The following SERAC1 variants were observed in gnomAD, a reference collection of about 807,000 sequenced individuals.
The protein encoded by SERAC1 is serine active site containing 1.
Under a neutral mutation model 85.7 loss-of-function variants are expected in SERAC1, and 36 were observed. The ratio of observed to expected loss-of-function variants is 0.42; its 90% CI spans 0.32 to 0.55. The LOEUF is 0.55. Among genes scored for constraint, SERAC1 ranks in the 20% least tolerant of loss-of-function variants. SERAC1 has a pLI of 0.11. For synonymous variants in SERAC1, 242 were observed against 265.3 expected (o/e 0.91, Z 0.85); for missense variants, 629 against 796.2 (o/e 0.79, Z 2.53).
chr6:158,156,827 ATAT>A (rs1785348916), intron 2 of SERAC1, among the ~76,000 whole-genome samples: 1 of 133,908 alleles, frequency 7.5e-6, no homozygotes, highest in South Asian at 2.1e-4. Context: ...TAATATATTA[ATAT>A]ATTATATAAA....
At chr6:158,114,684 C>CAGATTATA in intron 15 of SERAC1, 105 bp downstream of exon 15, 1 of 454,612 alleles carries the variant, frequency 2.2e-6, no homozygotes, top group South Asian at 4.7e-5. Context: ...CAATTATATA[C>CAGATTATA]AAATTATAAA....
intron 1 of SERAC1, among the ~76,000 whole-genome samples, chr6:158,159,877 C>T (rs1022796303): frequency 3.3e-5 from 5 of 152,322 alleles, no homozygotes; most frequent in South Asian, 4.1e-4. Context: ...CCACCCGCCT[C>T]GGCCTCCCGA....
In SERAC1 at chr6:158,117,684, T is replaced by C. The variant is rs1784322998; in HGVS notation, c.1403+43A>G. ...TCCAAGAGGACCTAAACTTGCGGCC[T>C]GAATTCTTCCCTGTCCTCCTGGTCT... On this transcript the variant is annotated intron_variant, in intron 13 of 16. Transcript: ENST00000647468. The surrounding 1 kb of genome is among the most constrained non-coding windows in gnomAD (Gnocchi z 4.3). 6.2e-7 allele frequency: 1 copy of C among 1,611,692 alleles called. No individual in the cohort carries two copies. Among genetic ancestry groups the C allele is most frequent in the East Asian group, 2.2e-5 (1 of 44,870 alleles).
chr6:158,159,676 G>A (rs546395953), intron 1 of SERAC1, among the ~76,000 whole-genome samples: 64 of 149,354 alleles, frequency 4.3e-4, no homozygotes, highest in Non-Finnish European at 8.7e-4. Context: ...CCAGGCTGGA[G>A]TGCAATGGTG....
intron 1 of SERAC1, among the ~76,000 whole-genome samples, chr6:158,165,760 A>C (rs1173813534): frequency 3.3e-5 from 5 of 152,162 alleles, no homozygotes; most frequent in Non-Finnish European, 7.3e-5. Flanking sequence ...TCTACATCTA[A>C]ACCACGCAGA....
chr6:158,167,537 C>CAA (rs71542916), intron 1 of SERAC1, among the ~76,000 whole-genome samples: 1,226 of 69,752 alleles, frequency 0.018, 41 homozygotes, highest in African/African-American at 0.04. Context: ...GACTCCATCT[C>CAA]AAAAAAAAAA....
At chr6:158,165,251 G>C (rs1240831045) in intron 1 of SERAC1, among the ~76,000 whole-genome samples, 1 of 151,978 alleles carries the variant, frequency 6.6e-6, no homozygotes, top group Admixed American at 6.6e-5. Flanking sequence ...CGTCTCCCAG[G>C]TTCACACCAT....
chr6:158,122,434 T>C (rs1324684597), intron 10 of SERAC1, among the ~76,000 whole-genome samples: 1 of 152,198 alleles, frequency 6.6e-6, no homozygotes, highest in East Asian at 1.9e-4. Flanking sequence ...TAATGAAAGG[T>C]AGAAGTTTGG....
At chr6:158,112,196 G>A (rs1784159221) in intron 16 of SERAC1, 1 of 153,016 alleles carries the variant, frequency 6.5e-6, no homozygotes, top group South Asian at 2.1e-4. Context: ...AGGACTGCTT[G>A]AGGCCAGGAA....
chr6:158,112,364 G>C (rs1784165848), intron 16 of SERAC1: 1 of 152,244 alleles, frequency 6.6e-6, no homozygotes, highest in African/African-American at 2.4e-5. Flanking sequence ...AATGAGCTAT[G>C]ATTATACCAC....
Position 158,114,920 on chromosome 6 carries a change from C to G in SERAC1, c.1553G>C (p.Ser518Thr). 1 of 1,613,832 alleles carries G rather than the reference C, an allele frequency of 6.2e-7. No individual in the cohort carries two copies. Among genetic ancestry groups the G allele is most frequent in the Non-Finnish European group, 8.5e-7 (1 of 1,179,894 alleles). ...LLEASTKPEM[S>T]TVINNTRGII... ...TCCTCTGGTATTGTTGATAACAGTA[C>G]TCATTTCTGGCTTCGTAGAGGCTTC... Residue 518 changes from serine to threonine, a missense_variant, in exon 15 of 17, where the codon AGT (serine) becomes ACT (threonine). Coordinates refer to ENST00000647468, the MANE Select transcript of SERAC1 (RefSeq NM_032861.4).
intron 6 of SERAC1, chr6:158,146,019 G>A (rs1484107563): frequency 3.3e-5 from 5 of 152,154 alleles, no homozygotes; most frequent in East Asian, 1.9e-4. Context: ...TACAAATTGG[G>A]TACATTCGAC....
Position 158,116,679 on chromosome 6 carries a change from C to T in SERAC1, c.1404-397G>A, listed in dbSNP as rs373989328. The T allele has an allele frequency of 2.4e-5, 4 of 166,774 alleles. No homozygotes were observed. The South Asian group carries it at 4.8e-4, about 20-fold the overall frequency. The allele number at this position is 166,774 out of a possible 1,614,324, so 10.3% of individuals were successfully genotyped here. On this transcript the variant is annotated intron_variant, in intron 13 of 16. Coordinates refer to ENST00000647468, the MANE Select transcript of SERAC1 (RefSeq NM_032861.4). ...GAGCACCTGTGTCAGGCAATTTTTT[C>T]GGGTCAAATGTGGGTCTCCCTGCAA... is the stretch of plus-strand genomic sequence containing the variant.
At chr6:158,150,724 A>C in intron 3 of SERAC1, 135 bp from the exon 4 acceptor site, 1 of 672,496 alleles carries the variant, frequency 1.5e-6, no homozygotes. Context: ...TAATATGCAT[A>C]TAACATTTAT....
At chr6:158,115,885 G>A (rs1418809372) in intron 14 of SERAC1, among the ~76,000 whole-genome samples, 6 of 152,194 alleles carry the variant, frequency 3.9e-5, no homozygotes, top group Non-Finnish European at 8.8e-5. Context: ...CGAGGTGGGT[G>A]TATATGAAAC....
At chr6:158,113,812 C>T (rs1784207765) in intron 15 of SERAC1, among the ~76,000 whole-genome samples, 1 of 152,096 alleles carries the variant, frequency 6.6e-6, no homozygotes, top group Admixed American at 6.6e-5. Context: ...GAGGGTTTAT[C>T]ACATTACTGG....
At chr6:158,121,681 G>A (rs1358324094) in intron 10 of SERAC1, among the ~76,000 whole-genome samples, 1 of 151,966 alleles carries the variant, frequency 6.6e-6, no homozygotes, top group Non-Finnish European at 1.5e-5. Flanking sequence ...AACATCAGAA[G>A]ATTCCTCTTC....
At chr6:158,122,925 C>G (rs973595544) in intron 10 of SERAC1, among the ~76,000 whole-genome samples, 1 of 152,198 alleles carries the variant, frequency 6.6e-6, no homozygotes, top group Non-Finnish European at 1.5e-5. Flanking sequence ...AGTATTACGT[C>G]ACATGAGTAC....
intron 12 of SERAC1, 117 bp downstream of exon 12, chr6:158,118,912 A>G: frequency 1.6e-6 from 2 of 1,238,656 alleles, no homozygotes; most frequent in Non-Finnish European, 2.2e-6. Flanking sequence ...TCCCTAAGGG[A>G]AAGAAGAACT....
Sources: allele counts gnomAD v4.1 joint callset (sites outside exome capture counted in the v4.1 genomes callset), GRCh38; gene constraint gnomAD v4.1.1; non-coding constraint Gnocchi (gnomAD v3.1); transcripts MANE v1.5; gene names NCBI Gene and HGNC (gene_info 2026-07-23, HGNC 2026-07-21).